DOCK2: variants seen among roughly 807,000 people sequenced by gnomAD.
DOCK2 encodes dedicator of cytokinesis 2.
In DOCK2, 87 loss-of-function variants were observed where a neutral mutation model predicts 248.9. That is an observed-to-expected ratio of 0.35 (90% CI 0.29 to 0.42). The LOEUF (loss-of-function observed/expected upper bound fraction) is 0.42, where lower values mean the gene tolerates loss of function less well. Ranked by LOEUF, DOCK2 falls within the 10% of genes least tolerant of loss-of-function variation. The pLI, the probability that DOCK2 is intolerant of heterozygous loss-of-function variation, is 1.00. For missense variants in DOCK2, 1,747 were observed against 2,300.2 expected (o/e 0.76, Z 4.92); for synonymous variants, 805 against 821.6 (o/e 0.98, Z 0.35).
chr5:169,786,110 T>G (rs1254549591), intron 25 of DOCK2, among the ~76,000 whole-genome samples: 6 of 152,260 alleles, frequency 3.9e-5, no homozygotes, highest in Non-Finnish European at 8.8e-5. Context: ...CATTCTTTTT[T>G]AGTATCAAAG....
At chr5:170,050,973 G>A (rs1038796073) in intron 41 of DOCK2, among the ~76,000 whole-genome samples, 2 of 152,182 alleles carry the variant, frequency 1.3e-5, no homozygotes, top group Non-Finnish European at 2.9e-5. Context: ...GCAAGTAAAA[G>A]AGGCGTTAAG....
intron 25 of DOCK2, among the ~76,000 whole-genome samples, chr5:169,798,810 T>A (rs758735984): frequency 1.3e-5 from 2 of 152,218 alleles, no homozygotes; most frequent in Non-Finnish European, 2.9e-5. Context: ...AATGTGTGAA[T>A]GGGTTAGCTC....
intron 27 of DOCK2, among the ~76,000 whole-genome samples, chr5:169,938,934 T>C (rs1318756756): frequency 2.0e-5 from 3 of 149,006 alleles, no homozygotes; most frequent in Non-Finnish European, 4.4e-5. Flanking sequence ...AATGGAGTCT[T>C]GCTCTGTCGC....
At chr5:169,979,009 G>T (rs929508234) in intron 27 of DOCK2, among the ~76,000 whole-genome samples, 2 of 152,294 alleles carry the variant, frequency 1.3e-5, no homozygotes, top group East Asian at 3.9e-4. Flanking sequence ...GTTTTAAGAA[G>T]CAATTTCCCA....
chr5:169,677,099 C>T (rs970754404), intron 6 of DOCK2, among the ~76,000 whole-genome samples: 1 of 152,120 alleles, frequency 6.6e-6, no homozygotes, highest in African/African-American at 2.4e-5. Flanking sequence ...ACACAGGTGC[C>T]TCTTTATCAA....
chr5:169,988,663 C>T (rs1407003985), intron 29 of DOCK2, among the ~76,000 whole-genome samples: 1 of 152,150 alleles, frequency 6.6e-6, no homozygotes, highest in African/African-American at 2.4e-5. Context: ...CAGGCATGCA[C>T]CACTATGCTC....
At chr5:169,908,361 A>AT (rs1774405727) in intron 27 of DOCK2, among the ~76,000 whole-genome samples, 1 of 152,148 alleles carries the variant, frequency 6.6e-6, no homozygotes, top group African/African-American at 2.4e-5. Flanking sequence ...GATTACTCAC[A>AT]TGCATATAGG....
intron 30 of DOCK2, among the ~76,000 whole-genome samples, chr5:170,006,126 G>C (rs887914718): frequency 6.6e-6 from 1 of 152,178 alleles, no homozygotes; most frequent in Non-Finnish European, 1.5e-5. Flanking sequence ...TCAAAGCAAA[G>C]CCCTGGAGAA....
chr5:169,795,381 G>T (rs112801675), intron 25 of DOCK2, among the ~76,000 whole-genome samples: 2 of 152,112 alleles, frequency 1.3e-5, no homozygotes, highest in Non-Finnish European at 2.9e-5. Context: ...TTTGGTCCCC[G>T]AGGGGTTCAT....
chr5:169,952,077 G>C (rs188933189), intron 27 of DOCK2, among the ~76,000 whole-genome samples: 1 of 152,290 alleles, frequency 6.6e-6, no homozygotes, highest in East Asian at 1.9e-4. Flanking sequence ...TAAGCCCCAA[G>C]GGTTTCTCCT....
At chr5:169,649,757 C>A (rs1757695225) in intron 1 of DOCK2, among the ~76,000 whole-genome samples, 1 of 151,880 alleles carries the variant, frequency 6.6e-6, no homozygotes, top group South Asian at 2.1e-4. Context: ...CTTGAGGTTA[C>A]TATGAAGATT....
At chr5:169,772,380 C>G (rs1765137045) in intron 25 of DOCK2, among the ~76,000 whole-genome samples, 1 of 152,182 alleles carries the variant, frequency 6.6e-6, no homozygotes, top group African/African-American at 2.4e-5. Context: ...AGCTACCTTC[C>G]TGTAGTTTCT....
In DOCK2 at chr5:169,637,358, G is replaced by A. The variant is rs200033547; in HGVS notation, c.32G>A (p.Arg11Gln). The A allele has an allele frequency of 8.2e-5, 118 of 1,430,392 alleles. 1 individual carries two copies. In the East Asian group the frequency reaches 3.3e-3, roughly 40 times the overall value. The allele number at this position is 1,430,392 out of a possible 1,614,324, so 88.6% of individuals were successfully genotyped here. ...CCCTGGCGCAAAGCTGACAAGGAGC[G>A]GCACGGCGTGGGTAGGTGCGGGCCC... MAPWRKADKE[R>Q]HGVAIYNFQG... Residue 11 changes from arginine to glutamine, a missense_variant, in exon 1 of 52, where the codon CGG (arginine) becomes CAG (glutamine). Physicochemically the swap from Arg to Gln is conservative, Grantham distance 43. Around this residue, in one of 4 missense-constraint regions of DOCK2, gnomAD observed 375 missense variants for 510.9 expected, o/e 0.73. Coordinates refer to ENST00000520908, the MANE Select transcript of DOCK2 (RefSeq NM_004946.3).
chr5:169,750,478 A>T (rs1200259026), intron 23 of DOCK2, among the ~76,000 whole-genome samples: 1 of 152,228 alleles, frequency 6.6e-6, no homozygotes, highest in African/African-American at 2.4e-5. Context: ...GTGGGTGAGG[A>T]TCAAATAAAC....
chr5:169,913,161 T>C (rs1218277677), intron 27 of DOCK2, among the ~76,000 whole-genome samples: 1 of 152,210 alleles, frequency 6.6e-6, no homozygotes, highest in Non-Finnish European at 1.5e-5. Context: ...AACTATACTT[T>C]CACAATTTCA....
chr5:170,067,458 T>G, intron 44 of DOCK2, 52 bp from the exon 45 acceptor site: 1 of 1,567,344 alleles, frequency 6.4e-7, no homozygotes, highest in Non-Finnish European at 8.7e-7. Flanking sequence ...ATATCTGTTT[T>G]TAAAGTGACT....
Position 169,752,094 on chromosome 5 carries a change from G to A in DOCK2, c.2376+4590G>A, listed in dbSNP as rs1031804255. On this transcript the variant is annotated intron_variant, in intron 23 of 51. Transcript: ENST00000520908. ...CCTTGTGTGTGCCAGCCCTGTGAGC[G>A]TGGTTGATAAAACTGATGGCAGATT... Among the ~76,000 whole-genome samples, 9 of 152,158 alleles carry A rather than the reference G, an allele frequency of 5.9e-5. No homozygotes were observed. In the South Asian group the frequency reaches 6.2e-4, roughly 11 times the overall value.
chr5:170,041,953 A>T, intron 37 of DOCK2, 60 bp from the exon 38 acceptor site: 1 of 1,586,726 alleles, frequency 6.3e-7, no homozygotes, highest in Non-Finnish European at 8.6e-7. Context: ...AATCCTAGGA[A>T]GACACCTGCT....
In DOCK2 at chr5:169,801,146, G is replaced by GT. The variant is rs60574755; in HGVS notation, c.2555-1877dup. Among the ~76,000 whole-genome samples, 239 of 76,010 alleles carry GT rather than the reference G, an allele frequency of 3.1e-3. 7 individuals are homozygous for GT. The highest frequency in any genetic ancestry group is 4.3e-3 in the Non-Finnish European group (155 of 35,886). The allele number at this position is 76,010 out of a possible 152,430, so 49.9% of individuals were successfully genotyped here. ...TGCCACCATGCCCAGATAGTTTTGG[G>GT]TTTTTTTTTTTTTTTTTTTTTTTTT... On this transcript the variant is annotated intron_variant, in intron 25 of 51. Coordinates refer to ENST00000520908, the MANE Select transcript of DOCK2 (RefSeq NM_004946.3).
Sources: gnomAD v4.1 joint callset for allele counts (sites outside exome capture counted in the v4.1 genomes callset) on GRCh38, gnomAD v4.1.1 for gene constraint, gnomAD v4.1.1 regional missense constraint, MANE v1.5 for transcripts, NCBI Gene and HGNC (gene_info 2026-07-23, HGNC 2026-07-21) for gene names.